The following TMEM132C variants were observed in gnomAD, a reference collection of about 807,000 sequenced individuals.
The protein encoded by TMEM132C is transmembrane protein 132C, also known as protein phosphatase 1, regulatory subunit 152.
Under a neutral mutation model 61.4 loss-of-function variants are expected in TMEM132C, and 29 were observed. That is an observed-to-expected ratio of 0.47 (90% CI 0.35 to 0.64). The LOEUF is 0.64. TMEM132C is among the 30% of genes least tolerant of loss of function. TMEM132C has a pLI of 0.00. For missense variants in TMEM132C, 1,408 were observed against 1,476.9 expected, an observed-to-expected ratio of 0.95 and a Z score of 0.76; for synonymous variants, 656 against 633.1, an observed-to-expected ratio of 1.04 and a Z score of -0.54.
At chr12:128,701,482 T>TACA (rs964221570) in intron 8 of TMEM132C, among the ~76,000 whole-genome samples, 1 of 152,214 alleles carries the variant, frequency 6.6e-6, no homozygotes, top group Non-Finnish European at 1.5e-5. Flanking sequence ...GATCTTCAGC[T>TACA]ACAGCTACAT....
intron 1 of TMEM132C, among the ~76,000 whole-genome samples, chr12:128,408,167 A>G (rs867471478): frequency 6.6e-6 from 1 of 152,172 alleles, no homozygotes; most frequent in Non-Finnish European, 1.5e-5. Flanking sequence ...ATAAAGAGTG[A>G]CCTGTTCAAA....
chr12:128,512,240 C>T (rs776608741), intron 2 of TMEM132C, among the ~76,000 whole-genome samples: 8 of 152,218 alleles, frequency 5.3e-5, no homozygotes, highest in African/African-American at 9.6e-5. Context: ...TCCCCGTGCA[C>T]CTGCTCCTGG....
At chr12:128,474,365 T>A (rs568645397) in intron 2 of TMEM132C, among the ~76,000 whole-genome samples, 1 of 152,304 alleles carries the variant, frequency 6.6e-6, no homozygotes, top group South Asian at 2.1e-4. Context: ...GGATAGGCAG[T>A]ACCCCAGCTC....
In TMEM132C at chr12:128,705,994, A is replaced by G; in HGVS notation, c.3026A>G (p.Asn1009Ser). Residue 1009 changes from asparagine (N) to serine (S), a missense_variant, in exon 9 of 9, where the codon AAC (asparagine) becomes AGC (serine). Transcript: ENST00000435159. ...GGACCGGGGGCCTGCGAGGAGAGCA[A>G]CCATCTCCTGCTCAATGGTGGCTCC... ...DRGPGACEES[N>S]HLLLNGGSHK... The G allele has an allele frequency of 6.4e-7, 1 of 1,551,678 alleles. No individual in the cohort carries two copies. Among genetic ancestry groups the G allele is most frequent in the Non-Finnish European group, 8.7e-7 (1 of 1,146,994 alleles).
chr12:128,631,822 TAA>T (rs1954067119), intron 4 of TMEM132C, among the ~76,000 whole-genome samples: 1 of 152,114 alleles, frequency 6.6e-6, no homozygotes, highest in African/African-American at 2.4e-5. Context: ...TCATCCCCAG[TAA>T]AAAGTCTGCC....
chr12:128,304,328 C>T (rs1347140591), intron 1 of TMEM132C, among the ~76,000 whole-genome samples: 2 of 151,944 alleles, frequency 1.3e-5, no homozygotes, highest in African/African-American at 2.4e-5. Flanking sequence ...TTAGAAACAG[C>T]CTTTCAGGCT....
chr12:128,397,315 C>A (rs558857387), intron 1 of TMEM132C, among the ~76,000 whole-genome samples: 1 of 152,144 alleles, frequency 6.6e-6, no homozygotes, highest in Non-Finnish European at 1.5e-5. Context: ...AGGGCTTCGC[C>A]GTGTGTCTTC....
At chr12:128,374,268 T>G (rs1334976514) in intron 1 of TMEM132C, among the ~76,000 whole-genome samples, 1 of 152,050 alleles carries the variant, frequency 6.6e-6, no homozygotes, top group Non-Finnish European at 1.5e-5. Flanking sequence ...GAGTGTGTGT[T>G]GTATATGGAA....
chr12:128,342,254 G>A (rs1409074794), intron 1 of TMEM132C, among the ~76,000 whole-genome samples: 1 of 152,010 alleles, frequency 6.6e-6, no homozygotes, highest in South Asian at 2.1e-4. Flanking sequence ...TGATCTGCCC[G>A]CCTCTGCCTC....
At position 128,267,231 on chromosome 12, in the gene TMEM132C, G is replaced by A. The variant is rs1018070232; in HGVS notation, c.-172G>A. On this transcript the variant is annotated 5_prime_UTR_variant, in exon 1 of 9. Transcript: ENST00000435159. ...AGCCGGAGCCGCCAGAGCCAGAGCC[G>A]GAGCTGCGGCGGCGTGGACCCGGCA... 1.4e-5 allele frequency among the ~76,000 whole-genome samples: 2 copies of A among 147,182 alleles called. No individual in the cohort carries two copies. Among genetic ancestry groups the A allele is most frequent in the African/African-American group, 4.9e-5 (2 of 40,970 alleles).
chr12:128,374,219 C>T (rs1046158158), intron 1 of TMEM132C, among the ~76,000 whole-genome samples: 3 of 152,008 alleles, frequency 2.0e-5, no homozygotes, highest in Admixed American at 6.5e-5. Context: ...ATAGTTTATG[C>T]GAAAAACAAC....
rs372076614 is a variant in TMEM132C, at chr12:128,432,328, A to T, written c.974+16708A>T. On this transcript the variant is annotated intron_variant, in intron 2 of 8. Transcript: ENST00000435159. ...TAAGAAAGACACTTTGTATGGCTGT[A>T]GCTGCCATAGATAGTAATTCCCCTG... Among the ~76,000 whole-genome samples the T allele has an allele frequency of 3.3e-5, 5 of 152,364 alleles. No homozygotes were observed. The South Asian group carries it at 1.0e-3, about 32-fold the overall frequency.
At chr12:128,433,163 G>C (rs2136040202) in intron 2 of TMEM132C, among the ~76,000 whole-genome samples, 1 of 152,032 alleles carries the variant, frequency 6.6e-6, no homozygotes, top group South Asian at 2.1e-4. Flanking sequence ...CTACAGTAAG[G>C]ATAAACATAG....
At chr12:128,633,715 G>A (rs912985169) in intron 4 of TMEM132C, among the ~76,000 whole-genome samples, 21 of 152,326 alleles carry the variant, frequency 1.4e-4, no homozygotes, top group Admixed American at 1.3e-3. Flanking sequence ...TTTAATTCCT[G>A]ATTCTCACAT....
At chr12:128,694,101 A>G in intron 6 of TMEM132C, 67 bp downstream of exon 6, 1 of 1,477,868 alleles carries the variant, frequency 6.8e-7, no homozygotes, top group South Asian at 1.2e-5. Flanking sequence ...CTTAACACTA[A>G]AGGACCCAAT....
At chr12:128,412,261 A>G (rs1255252337) in intron 1 of TMEM132C, among the ~76,000 whole-genome samples, 1 of 152,200 alleles carries the variant, frequency 6.6e-6, no homozygotes, top group Non-Finnish European at 1.5e-5. Flanking sequence ...TCCAAAGGTC[A>G]GAACTATACA....
intron 2 of TMEM132C, among the ~76,000 whole-genome samples, chr12:128,493,357 T>G (rs1871818373): frequency 2.0e-5 from 3 of 152,222 alleles, no homozygotes; most frequent in Admixed American, 2.0e-4. Flanking sequence ...CCATATGAAC[T>G]TTAAAGTACT....
intron 2 of TMEM132C, among the ~76,000 whole-genome samples, chr12:128,417,050 T>C (rs1868806183): frequency 6.6e-6 from 1 of 152,154 alleles, no homozygotes; most frequent in South Asian, 2.1e-4. Context: ...ACCTTGTGAC[T>C]GAGGAGCCGG....
At chr12:128,551,989 G>A (rs1002215681) in intron 3 of TMEM132C, among the ~76,000 whole-genome samples, 1 of 152,308 alleles carries the variant, frequency 6.6e-6, no homozygotes, top group Admixed American at 6.5e-5. Context: ...TAAAACTTAG[G>A]TGTTTCTTTA....
Sources: gnomAD v4.1 joint callset for allele counts (sites outside exome capture counted in the v4.1 genomes callset) on GRCh38, gnomAD v4.1.1 for gene constraint, MANE v1.5 for transcripts, NCBI Gene and HGNC (gene_info 2026-07-23, HGNC 2026-07-21) for gene names.